Variants in MXRA7 observed in about 807,000 individuals in gnomAD.
MXRA7 encodes matrix-remodeling-associated protein 7.
Under a neutral mutation model 17.4 loss-of-function variants are expected in MXRA7, and 18 were observed. The observed-to-expected ratio is 1.03, with a 90% CI of 0.71 to 1.53. The LOEUF (loss-of-function observed/expected upper bound fraction) is 1.53, where lower values mean the gene tolerates loss of function less well. Ranked by LOEUF, MXRA7 falls within the 40% of genes most tolerant of loss-of-function variation. The probability of loss-of-function intolerance (pLI) is 0.00; values close to 1 mark genes in which losing one functional copy is unlikely to be tolerated. For missense variants in MXRA7, 141 were observed against 209.3 expected (o/e 0.67, Z 2.01); for synonymous variants, 70 against 101.7 (o/e 0.69, Z 1.87).
chr17:76,675,444 C>CTA (rs2076233114), downstream of MXRA7: 1 of 126,916 alleles, frequency 7.9e-6, no homozygotes, highest in Non-Finnish European at 1.5e-5. Flanking sequence ...GTCACCCAGG[C>CTA]TAGAGTGCAG....
rs1287487299 is a variant in MXRA7 at position 76,681,103 on chromosome 17, C to A, written c.501-224G>T. Among the ~76,000 whole-genome samples the A allele has an allele frequency of 3.3e-5, 5 of 152,178 alleles. No homozygotes were observed. Among genetic ancestry groups the A allele is most frequent in the African/African-American group, 1.2e-4 (5 of 41,438 alleles). On this transcript the variant is annotated intron_variant, in intron 3 of 3. Transcript: ENST00000449428. The surrounding 1 kb of genome is among the most constrained non-coding windows in gnomAD (Gnocchi z 4.7). The stretch of plus-strand genomic sequence containing the variant: ...CAGAGCTTGCAGAGCTCCCCTTGAT[C>A]CCGCACAGAACCTGGCAGCCCACAG...
rs1340400857 is a variant in MXRA7 at position 76,710,621 on chromosome 17, G to A, written c.326C>T (p.Ala109Val). Reference sequence around the variant, plus strand: ...GGTGCGTACCTGCCTCGCCTCCACCGCCTGCTCCTCCGCCTCCGCTGGCGC... The same window carrying A: ...GGTGCGTACCTGCCTCGCCTCCACCACCTGCTCCTCCGCCTCCGCTGGCGC... ...AAAPAEAEEQAVEARQEEEQD... is the reference protein window; with the variant it reads ...AAAPAEAEEQVVEARQEEEQD... Residue 109 changes from alanine (A) to valine (V), a missense_variant, in exon 1 of 4, where the codon GCG (alanine) becomes GTG (valine). Physicochemically the swap from Ala to Val is moderately conservative, Grantham distance 64 (BLOSUM62 0). This residue lies in a region of MXRA7 where 67 missense variants were observed against 80.3 expected (regional missense o/e 0.83). Coordinates refer to ENST00000449428, the MANE Select transcript of MXRA7 (RefSeq NM_198530.4). The A allele has an allele frequency of 1.3e-5, 18 of 1,382,102 alleles. No homozygotes were observed. Among genetic ancestry groups the A allele is most frequent in the Middle Eastern group, 2.7e-4 (1 of 3,736 alleles). The allele number at this position is 1,382,102 out of a possible 1,614,324, so 85.6% of individuals were successfully genotyped here.
chr17:76,686,905 G>A (rs2100104778), intron 2 of MXRA7, among the ~76,000 whole-genome samples: 1 of 152,052 alleles, frequency 6.6e-6, no homozygotes, highest in South Asian at 2.1e-4. Context: ...GCTGGGGGTG[G>A]GGGATGTTCA....
intron 1 of MXRA7, among the ~76,000 whole-genome samples, chr17:76,701,314 C>T (rs1045601374): frequency 9.9e-5 from 15 of 151,586 alleles, no homozygotes; most frequent in African/African-American, 3.2e-4. Context: ...GAGGCGGGGA[C>T]AACAAGGACA....
At chr17:76,682,943 A>G (rs568825946) in intron 3 of MXRA7, among the ~76,000 whole-genome samples, 1 of 152,284 alleles carries the variant, frequency 6.6e-6, no homozygotes, top group South Asian at 2.1e-4. Context: ...CCAAAGATCC[A>G]GTGGGGGAAG....
chr17:76,697,979 T>C (rs1285010814), intron 1 of MXRA7, among the ~76,000 whole-genome samples: 3 of 150,916 alleles, frequency 2.0e-5, no homozygotes, highest in Non-Finnish European at 4.4e-5. Flanking sequence ...GAGAGAGTGA[T>C]AGAGACAGAT....
At chr17:76,686,133 G>A (rs985303609) in intron 2 of MXRA7, among the ~76,000 whole-genome samples, 1 of 152,204 alleles carries the variant, frequency 6.6e-6, no homozygotes, top group Admixed American at 6.5e-5. Context: ...CCGATGGGGA[G>A]GCGGGGGGGC....
chr17:76,699,125 G>T (rs1225471892), intron 1 of MXRA7, among the ~76,000 whole-genome samples: 2 of 152,044 alleles, frequency 1.3e-5, no homozygotes, highest in African/African-American at 4.8e-5. Context: ...GCCTTCAGGT[G>T]GCACCTACAT....
At chr17:76,684,368 C>T (rs1366604232) in intron 3 of MXRA7, among the ~76,000 whole-genome samples, 1 of 152,128 alleles carries the variant, frequency 6.6e-6, no homozygotes, top group Non-Finnish European at 1.5e-5. Flanking sequence ...GGCCACGCTG[C>T]AGAAGGGCAG....
At chr17:76,678,772 G>A (rs556622216), downstream of MXRA7, among the ~76,000 whole-genome samples, 14 of 152,216 alleles carry the variant, frequency 9.2e-5, no homozygotes, top group South Asian at 2.3e-3. Flanking sequence ...TGGTCTCCAC[G>A]TTCGCTCCCA....
At chr17:76,687,233 C>T (rs2076409451) in intron 2 of MXRA7, among the ~76,000 whole-genome samples, 1 of 152,238 alleles carries the variant, frequency 6.6e-6, no homozygotes, top group Non-Finnish European at 1.5e-5. Flanking sequence ...ATTCTCCCCT[C>T]CTGCTTCAGG....
At chr17:76,702,501 GTAAA>G (rs1371891950) in intron 1 of MXRA7, among the ~76,000 whole-genome samples, 2 of 150,772 alleles carry the variant, frequency 1.3e-5, no homozygotes, top group African/African-American at 2.5e-5. Flanking sequence ...AAATAAATAA[GTAAA>G]TAAATAAATA....
chr17:76,688,348 A>G (rs1233901518), intron 1 of MXRA7, 172 bp from the exon 2 acceptor site: 1 of 1,444,298 alleles, frequency 6.9e-7, no homozygotes, highest in Non-Finnish European at 9.1e-7. Context: ...GGCTGTGTAC[A>G]AACGATGGGC....
chr17:76,674,714 C>T (rs995815708), downstream of MXRA7: 1 of 152,312 alleles, frequency 6.6e-6, no homozygotes, highest in African/African-American at 2.4e-5. Flanking sequence ...GGCCCAGCCC[C>T]AGGCTCCAGG....
At chr17:76,686,503 A>G (rs1378182408) in intron 2 of MXRA7, among the ~76,000 whole-genome samples, 1 of 152,084 alleles carries the variant, frequency 6.6e-6, no homozygotes, top group Non-Finnish European at 1.5e-5. Context: ...AAAAAAAGAA[A>G]ACATACAAAA....
intron 1 of MXRA7, among the ~76,000 whole-genome samples, chr17:76,694,739 C>A (rs764369721): frequency 6.6e-6 from 1 of 152,090 alleles, no homozygotes; most frequent in Non-Finnish European, 1.5e-5. Flanking sequence ...ACATGGGCCA[C>A]GAGGCTTGGC....
In MXRA7 at chr17:76,681,716, A is replaced by C. The variant is rs927370931; in HGVS notation, c.501-837T>G. Among the ~76,000 whole-genome samples, 2 of 152,146 alleles carry C rather than the reference A, an allele frequency of 1.3e-5. No individual in the cohort carries two copies. Among genetic ancestry groups the C allele is most frequent in the African/African-American group, 4.8e-5 (2 of 41,430 alleles). ...GGTTCATTTTCCCTCTGAGACCACA[A>C]GGTGGGAAGAAGTGATGGAGAGGAG... On this transcript the variant is annotated intron_variant, in intron 3 of 3. Coordinates refer to ENST00000449428, the MANE Select transcript of MXRA7 (RefSeq NM_198530.4). The surrounding 1 kb of genome is among the most constrained non-coding windows in gnomAD (Gnocchi z 4.7).
chr17:76,697,384 G>T (rs774981095), intron 1 of MXRA7, among the ~76,000 whole-genome samples: 1 of 152,220 alleles, frequency 6.6e-6, no homozygotes, highest in African/African-American at 2.4e-5. Flanking sequence ...AACGTCTGTT[G>T]CTGAAGGTGC....
At chr17:76,703,694 C>G (rs2076621758) in intron 1 of MXRA7, 1 of 150,494 alleles carries the variant, frequency 6.6e-6, no homozygotes, top group Non-Finnish European at 1.5e-5. Context: ...CTAATGTTAA[C>G]AAGTTCTGAT....
Sources: allele counts gnomAD v4.1 joint callset (sites outside exome capture counted in the v4.1 genomes callset), GRCh38; gene constraint gnomAD v4.1.1; regional missense constraint gnomAD v4.1.1; non-coding constraint Gnocchi (gnomAD v3.1); transcripts MANE v1.5; gene names NCBI Gene and HGNC (gene_info 2026-07-23, HGNC 2026-07-21).